LEKR1: variants seen among roughly 807,000 people sequenced by gnomAD.
The protein encoded by LEKR1 is protein LEKR1.
Under a neutral mutation model 72.4 loss-of-function variants are expected in LEKR1, and 59 were observed. The observed-to-expected ratio is 0.82, with a 90% confidence interval of 0.66 to 1.01. The LOEUF (loss-of-function observed/expected upper bound fraction) is 1.01. Ranked by LOEUF, LEKR1 falls within the 50% of genes least tolerant of loss-of-function variation. LEKR1 has a pLI of 0.00. For synonymous variants in LEKR1, 257 were observed against 263.2 expected (o/e 0.98, Z 0.23); for missense variants, 728 against 759.2 (o/e 0.96, Z 0.48).
At chr3:156,829,608 G>A (rs991553580) in intron 2 of LEKR1, among the ~76,000 whole-genome samples, 5 of 152,192 alleles carry the variant, frequency 3.3e-5, no homozygotes, top group Non-Finnish European at 7.3e-5. Flanking sequence ...TACAGTATTT[G>A]ACCAGGTGGT....
At chr3:156,952,028 A>G (rs9878585) in intron 6 of LEKR1, among the ~76,000 whole-genome samples, 76,823 of 151,294 alleles carry the variant, frequency 0.51, 21,166 homozygotes, top group East Asian at 0.73. Context: ...GTTGTATTCA[A>G]ATGAATTACT....
At chr3:157,005,148 C>CATGAAGAGCTTTATAATAAATATT (rs1732320763) in intron 9 of LEKR1, among the ~76,000 whole-genome samples, 1 of 151,974 alleles carries the variant, frequency 6.6e-6, no homozygotes, top group South Asian at 2.1e-4. Context: ...ACAGAAATAT[C>CATGAAGAGCTTTATAATAAATATT]ATGAACAGCT....
At chr3:156,905,623 A>G (rs185254723) in intron 3 of LEKR1, among the ~76,000 whole-genome samples, 1 of 152,268 alleles carries the variant, frequency 6.6e-6, no homozygotes, top group African/African-American at 2.4e-5. Context: ...GGGTTTCACA[A>G]AGTGCTTATG....
intron 6 of LEKR1, among the ~76,000 whole-genome samples, chr3:156,956,613 A>C (rs2107980252): frequency 6.6e-6 from 1 of 152,180 alleles, no homozygotes; most frequent in South Asian, 2.1e-4. Flanking sequence ...ACACAATAAA[A>C]ATATACAGAA....
intron 7 of LEKR1, among the ~76,000 whole-genome samples, chr3:156,990,896 C>G (rs1386478018): frequency 6.6e-6 from 1 of 152,088 alleles, no homozygotes; most frequent in Non-Finnish European, 1.5e-5. Flanking sequence ...GATAGAAGCC[C>G]AGATCTGGGT....
chr3:156,876,700 A>G (rs1205496177), intron 3 of LEKR1, among the ~76,000 whole-genome samples: 2 of 152,174 alleles, frequency 1.3e-5, no homozygotes, highest in African/African-American at 4.8e-5. Context: ...GAACTCATTT[A>G]TCAGATCCAG....
intron 5 of LEKR1, among the ~76,000 whole-genome samples, chr3:156,927,955 T>A (rs912735647): frequency 7.2e-5 from 11 of 151,824 alleles, no homozygotes; most frequent in African/African-American, 2.7e-4. Context: ...AATAGCTACC[T>A]AAAGACAATA....
intron 1 of LEKR1, among the ~76,000 whole-genome samples, chr3:156,828,860 T>C (rs1161557892): frequency 6.6e-6 from 1 of 152,222 alleles, no homozygotes; most frequent in African/African-American, 2.4e-5. Context: ...TAATCCAGCA[T>C]TCATGCCACA....
chr3:156,920,261 T>G (rs1259667771), intron 3 of LEKR1, among the ~76,000 whole-genome samples: 3 of 152,106 alleles, frequency 2.0e-5, no homozygotes, highest in Non-Finnish European at 4.4e-5. Context: ...GAAATTAAAT[T>G]AATATTTTTA....
chr3:157,029,464 C>T (rs1385271558), intron 12 of LEKR1, among the ~76,000 whole-genome samples: 4 of 152,054 alleles, frequency 2.6e-5, no homozygotes, highest in African/African-American at 7.2e-5. Context: ...GATTCAAATT[C>T]GAATCTCTAT....
rs564731491 is a variant in LEKR1 at position 156,836,327 on chromosome 3, G to A, written c.48+6950G>A. On this transcript the variant is annotated intron_variant, in intron 2 of 12. Transcript: ENST00000356539. Reference sequence around the variant, plus strand: ...GGTTTTTCCCTAAATGGGGCCCGTGGTACCTCCTCTGTTTCTCCTAAGGAA... The same window carrying A: ...GGTTTTTCCCTAAATGGGGCCCGTGATACCTCCTCTGTTTCTCCTAAGGAA... Among the ~76,000 whole-genome samples, 6 of 152,084 alleles carry A rather than the reference G, an allele frequency of 3.9e-5. No homozygotes were observed. The South Asian group carries it at 8.3e-4, about 21-fold the overall frequency.
chr3:157,006,371 T>C (rs1732439995), intron 9 of LEKR1, among the ~76,000 whole-genome samples: 2 of 152,222 alleles, frequency 1.3e-5, no homozygotes, highest in South Asian at 4.1e-4. Flanking sequence ...TACAAAGATA[T>C]GGAGGAACTT....
chr3:156,840,533 A>T (rs1483781081), intron 2 of LEKR1, among the ~76,000 whole-genome samples: 1 of 152,224 alleles, frequency 6.6e-6, no homozygotes. Flanking sequence ...CAGTAAATCT[A>T]GTTAACTCTT....
intron 1 of LEKR1, chr3:156,826,927 A>T (rs1378202865): frequency 6.4e-6 from 1 of 155,518 alleles, no homozygotes; most frequent in African/African-American, 2.4e-5. Flanking sequence ...ACGGAATTGG[A>T]AACGAACAAG....
intron 6 of LEKR1, among the ~76,000 whole-genome samples, chr3:156,965,611 A>T (rs151237943): frequency 2.0e-5 from 3 of 152,298 alleles, no homozygotes; most frequent in Admixed American, 1.3e-4. Context: ...AAATCTCCAC[A>T]TACTATTTTA....
At chr3:156,947,877 G>A (rs1203204436) in intron 6 of LEKR1, among the ~76,000 whole-genome samples, 1 of 151,032 alleles carries the variant, frequency 6.6e-6, no homozygotes, top group Admixed American at 6.6e-5. Flanking sequence ...CAGACAGTTA[G>A]TCTTTCATTT....
chr3:156,982,227 C>T (rs1206858130), intron 7 of LEKR1, among the ~76,000 whole-genome samples: 2 of 152,150 alleles, frequency 1.3e-5, no homozygotes, highest in Non-Finnish European at 2.9e-5. Context: ...TCAGCAATAT[C>T]CCCAAGGATC....
chr3:157,001,330 C>T (rs1731996798), intron 9 of LEKR1, among the ~76,000 whole-genome samples: 1 of 152,204 alleles, frequency 6.6e-6, no homozygotes. Flanking sequence ...ATCACACACT[C>T]ACTTCTTTTA....
intron 7 of LEKR1, among the ~76,000 whole-genome samples, chr3:156,982,168 G>A (rs1730257397): frequency 6.6e-6 from 1 of 152,176 alleles, no homozygotes; most frequent in Non-Finnish European, 1.5e-5. Context: ...AATGCTTTGG[G>A]CTGCAAGTAA....
Sources: allele counts gnomAD v4.1 joint callset (sites outside exome capture counted in the v4.1 genomes callset), GRCh38; gene constraint gnomAD v4.1.1; transcripts MANE v1.5; gene names NCBI Gene and HGNC (gene_info 2026-07-23, HGNC 2026-07-21).